The following KLHL29 variants were observed in gnomAD, a reference collection of about 807,000 sequenced individuals.
KLHL29 encodes the protein kelch-like protein 29.
KLHL29 carries 21 observed loss-of-function variants against 80.4 expected under a neutral mutation model. The observed-to-expected ratio is 0.26, with a 90% confidence interval of 0.19 to 0.38. The LOEUF is 0.38. KLHL29 is among the 10% of genes least tolerant of loss of function. The pLI is 1.00. For synonymous variants in KLHL29, 511 were observed against 526.8 expected, an observed-to-expected ratio of 0.97 and a Z score of 0.41; for missense variants, 867 against 1,223.9, an observed-to-expected ratio of 0.71 and a Z score of 4.35.
At chr2:23,600,434 G>A (rs1668540794) in intron 3 of KLHL29, among the ~76,000 whole-genome samples, 1 of 152,200 alleles carries the variant, frequency 6.6e-6, no homozygotes, top group East Asian at 1.9e-4. Flanking sequence ...CTCAGCGACT[G>A]TAGCTGCAAG....
intron 1 of KLHL29, among the ~76,000 whole-genome samples, chr2:23,439,935 T>G (rs907813798): frequency 1.1e-4 from 17 of 151,718 alleles, no homozygotes; most frequent in Admixed American, 6.6e-4. Flanking sequence ...ATTATTATTG[T>G]GTGGGAGTCT....
chr2:23,514,795 A>T (rs1377473463), intron 2 of KLHL29, among the ~76,000 whole-genome samples: 1 of 152,140 alleles, frequency 6.6e-6, no homozygotes, highest in Non-Finnish European at 1.5e-5. Context: ...ATGAAAATAG[A>T]CCACGCTCCA....
chr2:23,469,163 T>C (rs1168656683), intron 1 of KLHL29, among the ~76,000 whole-genome samples: 1 of 151,710 alleles, frequency 6.6e-6, no homozygotes, highest in African/African-American at 2.4e-5. Flanking sequence ...CACACTGGAG[T>C]CAGACTTTTA....
At chr2:23,401,529 A>G (rs1434135906) in intron 1 of KLHL29, among the ~76,000 whole-genome samples, 1 of 152,218 alleles carries the variant, frequency 6.6e-6, no homozygotes, top group East Asian at 1.9e-4. Context: ...GCCGAGGGCT[A>G]TGTAGTCATC....
At chr2:23,479,024 T>A (rs1664715320) in intron 2 of KLHL29, among the ~76,000 whole-genome samples, 1 of 151,492 alleles carries the variant, frequency 6.6e-6, no homozygotes, top group Non-Finnish European at 1.5e-5. Context: ...TCCTGAGCTC[T>A]CCCCTTGTCC....
At chr2:23,685,630 C>T (rs557019357) in intron 6 of KLHL29, among the ~76,000 whole-genome samples, 4 of 152,370 alleles carry the variant, frequency 2.6e-5, no homozygotes, top group South Asian at 4.1e-4. Context: ...GGCCACATGC[C>T]GGCCCTCAGC....
intron 3 of KLHL29, among the ~76,000 whole-genome samples, chr2:23,576,968 C>T (rs1667858209): frequency 6.6e-6 from 1 of 152,142 alleles, no homozygotes; most frequent in African/African-American, 2.4e-5. Flanking sequence ...GCCAGGGTGT[C>T]CGGCCACCAC....
At chr2:23,571,672 T>A (rs1667720289) in intron 3 of KLHL29, among the ~76,000 whole-genome samples, 1 of 152,170 alleles carries the variant, frequency 6.6e-6, no homozygotes, top group Non-Finnish European at 1.5e-5. Context: ...TCCTTCTCCC[T>A]CCAGACATTG....
chr2:23,422,336 GTGTA>G (rs1404574260), intron 1 of KLHL29, among the ~76,000 whole-genome samples: 2 of 151,148 alleles, frequency 1.3e-5, no homozygotes, highest in African/African-American at 4.9e-5. Context: ...CAGTGGGTCT[GTGTA>G]TGTCTTTGTG....
intron 1 of KLHL29, among the ~76,000 whole-genome samples, chr2:23,429,328 A>C (rs1663101375): frequency 6.6e-6 from 1 of 152,164 alleles, no homozygotes; most frequent in Admixed American, 6.5e-5. Context: ...TGCACTGTAC[A>C]ATGATATGTG....
chr2:23,392,671 A>C (rs1047752899), intron 1 of KLHL29, among the ~76,000 whole-genome samples: 9 of 152,216 alleles, frequency 5.9e-5, no homozygotes, highest in Non-Finnish European at 1.3e-4. Context: ...AAACCTAGCC[A>C]CGTTGTTCAG....
chr2:23,554,885 C>T (rs1042692696), intron 2 of KLHL29, among the ~76,000 whole-genome samples: 9 of 152,110 alleles, frequency 5.9e-5, no homozygotes, highest in African/African-American at 7.2e-5. Context: ...TCCAGGAGTC[C>T]GACACCGCCC....
chr2:23,441,921 T>C (rs1032504864), intron 1 of KLHL29, among the ~76,000 whole-genome samples: 4 of 152,204 alleles, frequency 2.6e-5, no homozygotes, highest in African/African-American at 9.7e-5. Context: ...ACCAGTCACA[T>C]AGTATGATGA....
intron 1 of KLHL29, among the ~76,000 whole-genome samples, chr2:23,417,447 T>C (rs906919345): frequency 1.3e-5 from 2 of 152,232 alleles, no homozygotes; most frequent in African/African-American, 4.8e-5. Context: ...GCTTAGCACA[T>C]GTCACCAAAC....
At chr2:23,526,661 C>A (rs1439776886) in intron 2 of KLHL29, among the ~76,000 whole-genome samples, 1 of 152,158 alleles carries the variant, frequency 6.6e-6, no homozygotes, top group African/African-American at 2.4e-5. Context: ...TCCAGAGCAG[C>A]ACCTTTGTGG....
rs147776651 is a variant in KLHL29, at chr2:23,525,234, C to T, written c.-45-36918C>T. On this transcript the variant is annotated intron_variant, in intron 2 of 13. Coordinates refer to ENST00000486442, the MANE Select transcript of KLHL29 (RefSeq NM_052920.2). ...AGAATACAGGCTAAGGCCAGGCCCA[C>T]GCCTGGAAGAGAAGAACTTTCTCTT... 2.8e-3 allele frequency among the ~76,000 whole-genome samples: 421 copies of T among 152,318 alleles called. 3 individuals carry two copies. Among genetic ancestry groups the T allele is most frequent in the African/African-American group, 9.7e-3 (404 of 41,564 alleles).
chr2:23,688,419 G>T (rs1671377560), intron 6 of KLHL29, among the ~76,000 whole-genome samples: 1 of 152,184 alleles, frequency 6.6e-6, no homozygotes, highest in South Asian at 2.1e-4. Flanking sequence ...GAAAACATCT[G>T]ATCTCTGAGG....
In KLHL29 at chr2:23,647,292, A is replaced by G. The variant is rs1558422940; in HGVS notation, c.940+4442A>G. On this transcript the variant is annotated intron_variant, in intron 5 of 13. Coordinates refer to ENST00000486442, the MANE Select transcript of KLHL29 (RefSeq NM_052920.2). The surrounding 1 kb of genome is among the most constrained non-coding windows in gnomAD (Gnocchi z 4.9). Reference sequence around the variant, plus strand: ...TCCACAGCCTCCATAAATATTCTGGAAGAAGCTGGGAATGCATGATAAAGC... The same window carrying G: ...TCCACAGCCTCCATAAATATTCTGGGAGAAGCTGGGAATGCATGATAAAGC... Among the ~76,000 whole-genome samples, 1 of 152,154 alleles carries G rather than the reference A, an allele frequency of 6.6e-6. No homozygotes were observed. The highest frequency in any genetic ancestry group is 1.5e-5 in the Non-Finnish European group (1 of 68,014).
chr2:23,636,765 G>GA (rs1437222831), intron 3 of KLHL29, among the ~76,000 whole-genome samples: 2 of 152,192 alleles, frequency 1.3e-5, no homozygotes, highest in Non-Finnish European at 2.9e-5. Flanking sequence ...ATCTGTGTTG[G>GA]AAAAGTGTGA....
Sources: allele counts gnomAD v4.1 joint callset (sites outside exome capture counted in the v4.1 genomes callset), GRCh38; gene constraint gnomAD v4.1.1; non-coding constraint Gnocchi (gnomAD v3.1); transcripts MANE v1.5; gene names NCBI Gene and HGNC (gene_info 2026-07-23, HGNC 2026-07-21).